PCDH15: variants seen among roughly 807,000 people sequenced by gnomAD.
PCDH15 encodes protocadherin related 15, also known as protocadherin-15.
A neutral mutation model predicts 178.5 loss-of-function variants in PCDH15; 129 were observed. That is an observed-to-expected ratio of 0.72 (90% confidence interval 0.63 to 0.84). The LOEUF (loss-of-function observed/expected upper bound fraction) is 0.84, where lower values mean the gene tolerates loss of function less well. Among genes scored for constraint, PCDH15 ranks in the 40% least tolerant of loss-of-function variants. The pLI is 0.00. For synonymous variants in PCDH15, 800 were observed against 732.0 expected (o/e 1.09, Z -1.50); for missense variants, 2,230 against 2,099.9 (o/e 1.06, Z -1.21).
intron 3 of PCDH15, among the ~76,000 whole-genome samples, chr10:54,442,966 G>A (rs1232277012): frequency 2.0e-5 from 3 of 151,558 alleles, no homozygotes; most frequent in Non-Finnish European, 4.4e-5. Flanking sequence ...GAGAAACCCA[G>A]ACACTACATT....
chr10:54,326,276 T>G (rs1938066828), intron 7 of PCDH15, among the ~76,000 whole-genome samples: 1 of 152,136 alleles, frequency 6.6e-6, no homozygotes, highest in Non-Finnish European at 1.5e-5. Context: ...GCATCCTTCT[T>G]TATCATTTGT....
intron 2 of PCDH15, among the ~76,000 whole-genome samples, chr10:54,579,441 C>T (rs983972609): frequency 2.6e-5 from 4 of 152,116 alleles, no homozygotes; most frequent in Non-Finnish European, 4.4e-5. Flanking sequence ...GTAGACTTAA[C>T]TATCTTAAAT....
chr10:54,240,410 C>T (rs1195041131), intron 8 of PCDH15, among the ~76,000 whole-genome samples: 1 of 151,570 alleles, frequency 6.6e-6, no homozygotes, highest in South Asian at 2.1e-4. Context: ...CTTTGATTAC[C>T]AAGTGCCAGC....
rs367568527 is a variant in PCDH15 at position 55,254,372 on chromosome 10, C to CTA, written c.-156+65225_-156+65226dup. On this transcript the variant is annotated intron_variant, in intron 1 of 5. Transcript: ENST00000458638. ...TTGGAAGAGGCTATTTTTTTAGGGACTATGGTTCAGAGACACCAAAGTTTC... is the reference window on the plus strand; with the variant it reads ...TTGGAAGAGGCTATTTTTTTAGGGACTATATGGTTCAGAGACACCAAAGTTTC... 2.8e-3 allele frequency among the ~76,000 whole-genome samples: 433 copies of CTA among 152,164 alleles called. 4 individuals carry two copies. Among genetic ancestry groups the CTA allele is most frequent in the African/African-American group, 9.8e-3 (405 of 41,518 alleles).
intron 2 of PCDH15, among the ~76,000 whole-genome samples, chr10:54,992,903 C>T (rs72800068): frequency 0.076 from 11,492 of 152,118 alleles, 489 homozygotes; most frequent in South Asian, 0.14. Flanking sequence ...ACTTATCACA[C>T]GACCTTATTT....
chr10:54,431,030 A>G (rs1356038647), intron 3 of PCDH15, among the ~76,000 whole-genome samples: 1 of 152,082 alleles, frequency 6.6e-6, no homozygotes, highest in Non-Finnish European at 1.5e-5. Flanking sequence ...ATAAGTTCCT[A>G]GACACATACA....
intron 3 of PCDH15, among the ~76,000 whole-genome samples, chr10:54,512,359 T>TTGTGTGTGTGTGTGTGTGTG (rs200575121): frequency 3.0e-5 from 4 of 134,172 alleles, no homozygotes; most frequent in South Asian, 2.6e-4. Flanking sequence ...ATTTCTGGCA[T>TTGTGTGTGTGTGTGTGTGTG]TGTGTGTGTG....
intron 3 of PCDH15, among the ~76,000 whole-genome samples, chr10:54,443,993 T>G (rs1330239930): frequency 6.6e-6 from 1 of 151,706 alleles, no homozygotes; most frequent in Non-Finnish European, 1.5e-5. Context: ...ATACAAAGTC[T>G]TCATGTCTTC....
At chr10:53,834,518 G>GT (rs11438530) in intron 29 of PCDH15, among the ~76,000 whole-genome samples, 17,852 of 141,520 alleles carry the variant, frequency 0.13, 2,418 homozygotes, top group African/African-American at 0.34. Flanking sequence ...ACAGAAATGT[G>GT]TTTTTTTTTT....
chr10:55,044,802 GT>G (rs1288789134), intron 2 of PCDH15, among the ~76,000 whole-genome samples: 4 of 152,024 alleles, frequency 2.6e-5, no homozygotes, highest in Admixed American at 2.6e-4. Flanking sequence ...GGCTTGCCAT[GT>G]GTTAGGTGTT....
At chr10:54,953,221 C>A (rs1838392552) in intron 2 of PCDH15, among the ~76,000 whole-genome samples, 1 of 151,342 alleles carries the variant, frequency 6.6e-6, no homozygotes, top group Non-Finnish European at 1.5e-5. Context: ...TAAGTATTTT[C>A]ATGATGACCA....
intron 33 of PCDH15, 48 bp from the exon 34 acceptor site, chr10:53,818,061 G>A (rs776300184): frequency 1.1e-4 from 43 of 397,762 alleles, no homozygotes; most frequent in African/African-American, 1.6e-4. Context: ...TTAGATTTTC[G>A]TTATTAAACA....
intron 14 of PCDH15, among the ~76,000 whole-genome samples, chr10:54,149,039 CACTG>C (rs138462562): frequency 0.015 from 2,345 of 152,154 alleles, 74 homozygotes; most frequent in African/African-American, 0.054. Context: ...GCCCCAGTAA[CACTG>C]ACTAATAATT....
intron 1 of PCDH15, among the ~76,000 whole-genome samples, chr10:55,177,468 G>A (rs1839525267): frequency 6.6e-6 from 1 of 152,166 alleles, no homozygotes; most frequent in African/African-American, 2.4e-5. Flanking sequence ...CCAGCAGCCT[G>A]TAGGCTATCT....
rs562329417 is a variant in PCDH15, at chr10:54,445,144, G to A, written c.158-66202C>T. 2.0e-5 allele frequency among the ~76,000 whole-genome samples: 3 copies of A among 151,014 alleles called. No homozygotes were observed. In the East Asian group the frequency reaches 5.9e-4, roughly 30 times the overall value. On this transcript the variant is annotated intron_variant, in intron 3 of 37. Coordinates refer to ENST00000644397, the MANE Select transcript of PCDH15 (RefSeq NM_001384140.1). ...TCTGCTCCTCTGAGTCAAAGCCCTT[G>A]ACTTTTCACTTCTCAATTGTTTTGT...
At chr10:54,815,957 T>G (rs2133734918) in intron 3 of PCDH15, among the ~76,000 whole-genome samples, 1 of 152,266 alleles carries the variant, frequency 6.6e-6, no homozygotes, top group Non-Finnish European at 1.5e-5. Flanking sequence ...TAATCAACTG[T>G]TATTTTATCA....
At chr10:55,356,762 T>G (rs1227802864) in intron 2 of PCDH15, among the ~76,000 whole-genome samples, 1 of 151,960 alleles carries the variant, frequency 6.6e-6, no homozygotes, top group Non-Finnish European at 1.5e-5. Context: ...TATTTATTTT[T>G]CAGATGATTA....
At chr10:55,347,967 C>T (rs1381128690) in intron 2 of PCDH15, among the ~76,000 whole-genome samples, 1 of 151,752 alleles carries the variant, frequency 6.6e-6, no homozygotes, top group African/African-American at 2.4e-5. Flanking sequence ...AATTGTAAGC[C>T]TAAGTCAAAA....
chr10:55,365,920 C>T (rs563814402), intron 2 of PCDH15, among the ~76,000 whole-genome samples: 2 of 152,162 alleles, frequency 1.3e-5, no homozygotes, highest in African/African-American at 4.8e-5. Flanking sequence ...CAGTAGTTCC[C>T]TTTCCACTCC....
Sources: allele counts gnomAD v4.1 joint callset (sites outside exome capture counted in the v4.1 genomes callset), GRCh38; gene constraint gnomAD v4.1.1; transcripts MANE v1.5; gene names NCBI Gene and HGNC (gene_info 2026-07-23, HGNC 2026-07-21).